The following CAST variants were observed in gnomAD, a reference collection of about 807,000 sequenced individuals.
CAST encodes the protein calpastatin.
A neutral mutation model predicts 119.6 loss-of-function variants in CAST; 76 were observed. The ratio of observed to expected loss-of-function variants is 0.64; its 90% CI spans 0.53 to 0.77. CAST has a LOEUF of 0.77. Among genes scored for constraint, CAST ranks in the 30% least tolerant of loss-of-function variants. The probability of loss-of-function intolerance (pLI) is 0.00; values close to 1 mark genes in which losing one functional copy is unlikely to be tolerated. For missense variants in CAST, 953 were observed against 946.5 expected (o/e 1.01, Z -0.09); for synonymous variants, 319 against 331.6 (o/e 0.96, Z 0.41).
chr5:96,382,548 G>A, the CAST span, among the ~76,000 whole-genome samples: 1 of 152,126 alleles, frequency 6.6e-6, no homozygotes, highest in Non-Finnish European at 1.5e-5. Context: ...CATATTTAAT[G>A]GCTATTGCAT....
At chr5:96,005,219 G>A in the CAST span, among the ~76,000 whole-genome samples, 3 of 152,156 alleles carry the variant, frequency 2.0e-5, no homozygotes, top group Admixed American at 6.5e-5. Context: ...AAGCCCCAAA[G>A]TCCAAGAGAT....
At chr5:96,518,427 G>A in the CAST span, among the ~76,000 whole-genome samples, 1 of 152,222 alleles carries the variant, frequency 6.6e-6, no homozygotes, top group Non-Finnish European at 1.5e-5. Context: ...CTACTTCAGT[G>A]TACACACAAT....
intron 1 of CAST, among the ~76,000 whole-genome samples, chr5:96,568,937 T>C (rs1207810767): frequency 6.6e-6 from 1 of 152,146 alleles, no homozygotes. Context: ...TTTGCTGTTG[T>C]GTCAGAGCAG....
the CAST span, among the ~76,000 whole-genome samples, chr5:96,109,540 C>T: frequency 8.5e-5 from 13 of 152,284 alleles, no homozygotes; most frequent in East Asian, 2.5e-3. Flanking sequence ...CAGTTGTCCT[C>T]TAAGAGTGTT....
At chr5:96,536,808 A>G (rs1291874640) in intron 1 of CAST, among the ~76,000 whole-genome samples, 1 of 148,046 alleles carries the variant, frequency 6.8e-6, no homozygotes, top group Non-Finnish European at 1.5e-5. Context: ...TGACATTTTG[A>G]TGGAGGGATA....
intron 1 of CAST, among the ~76,000 whole-genome samples, chr5:96,542,065 C>A (rs891247893): frequency 3.3e-5 from 5 of 152,150 alleles, no homozygotes; most frequent in African/African-American, 1.2e-4. Context: ...AATCCCAGCA[C>A]TTTGGGAGGC....
At chr5:96,154,305 A>G in the CAST span, among the ~76,000 whole-genome samples, 1 of 151,988 alleles carries the variant, frequency 6.6e-6, no homozygotes, top group African/African-American at 2.4e-5. Context: ...AAAAAACAAA[A>G]AAAAACATAA....
At chr5:96,756,680 A>G (rs1766390090) in intron 22 of CAST, among the ~76,000 whole-genome samples, 1 of 152,226 alleles carries the variant, frequency 6.6e-6, no homozygotes, top group South Asian at 2.1e-4. Flanking sequence ...CACATTTTCA[A>G]TGAAACAAAA....
At chr5:96,355,370 T>C in the CAST span, among the ~76,000 whole-genome samples, 3 of 152,224 alleles carry the variant, frequency 2.0e-5, no homozygotes, top group Non-Finnish European at 4.4e-5. Flanking sequence ...CATCCTTTTT[T>C]ATGTCTGCGT....
chr5:96,534,750 A>AG (rs1491259672), intron 1 of CAST, among the ~76,000 whole-genome samples: 6,372 of 34,964 alleles, frequency 0.18, 1,298 homozygotes, highest in Non-Finnish European at 0.25. Context: ...AGAAAGAAAG[A>AG]AAGAAAGAAA....
At chr5:95,990,865 A>C in the CAST span, among the ~76,000 whole-genome samples, 1 of 152,042 alleles carries the variant, frequency 6.6e-6, no homozygotes, top group African/African-American at 2.4e-5. Context: ...CAGCCACCCA[A>C]AGCACTAGGA....
the CAST span, among the ~76,000 whole-genome samples, chr5:95,966,617 C>T: frequency 6.6e-6 from 1 of 152,142 alleles, no homozygotes; most frequent in African/African-American, 2.4e-5. Context: ...GTCCCTCCTC[C>T]CTTCCAGTTC....
chr5:96,743,574 G>C (rs1220773636), intron 16 of CAST: 1 of 1,587,184 alleles, frequency 6.3e-7, no homozygotes, highest in Admixed American at 1.8e-5. Flanking sequence ...GGGAAGGGGA[G>C]TCTCCCTGAC....
intron 1 of CAST, among the ~76,000 whole-genome samples, chr5:96,563,029 G>T (rs1285232049): frequency 6.6e-6 from 1 of 152,122 alleles, no homozygotes; most frequent in African/African-American, 2.4e-5. Flanking sequence ...CAAATGAGAG[G>T]TGCCCTCCCT....
intron 1 of CAST, among the ~76,000 whole-genome samples, chr5:96,654,332 T>A (rs1439912074): frequency 1.3e-5 from 2 of 152,148 alleles, no homozygotes; most frequent in Non-Finnish European, 2.9e-5. Context: ...GCCCATTTTC[T>A]TTTTTCAATT....
rs868843195 is a variant in CAST at position 96,737,954 on chromosome 5, G to A, written c.798+7G>A. The A allele has an allele frequency of 1.8e-5, 27 of 1,476,848 alleles. No individual in the cohort carries two copies. Among genetic ancestry groups the A allele is most frequent in the Middle Eastern group, 1.7e-4 (1 of 5,788 alleles). 91.5% of individuals were successfully genotyped at this position (1,476,848 alleles called of 1,614,324 possible). ...TACTGGACCAGAAGTTTCAGTATGT[G>A]ATCATGATATCTGTAAAAATTCATA... On this transcript the variant is annotated splice_region_variant and intron_variant, in intron 11 of 31. Coordinates refer to ENST00000675179, the MANE Select transcript of CAST (RefSeq NM_001750.7).
chr5:96,306,434 A>T, the CAST span, among the ~76,000 whole-genome samples: 1 of 151,620 alleles, frequency 6.6e-6, no homozygotes, highest in Non-Finnish European at 1.5e-5. Context: ...AGGGTTTTTC[A>T]TGTCTCTATC....
At chr5:96,415,846 T>C in the CAST span, among the ~76,000 whole-genome samples, 1 of 152,168 alleles carries the variant, frequency 6.6e-6, no homozygotes, top group Non-Finnish European at 1.5e-5. Flanking sequence ...TATTCAACTA[T>C]CCATTTTCTA....
intron 1 of CAST, among the ~76,000 whole-genome samples, chr5:96,558,118 C>T (rs371734574): frequency 3.3e-5 from 5 of 152,190 alleles, no homozygotes; most frequent in African/African-American, 7.2e-5. Flanking sequence ...GGGTACATAA[C>T]GAAATGAAGG....
Sources: gnomAD v4.1 joint callset for allele counts (sites outside exome capture counted in the v4.1 genomes callset) on GRCh38, gnomAD v4.1.1 for gene constraint, MANE v1.5 for transcripts, NCBI Gene and HGNC (gene_info 2026-07-23, HGNC 2026-07-21) for gene names.